Variants in KIF16B observed in about 807,000 individuals in gnomAD.
KIF16B encodes kinesin-like protein KIF16B.
In KIF16B, 98 loss-of-function variants were observed where a neutral mutation model predicts 156.3. The observed-to-expected ratio is 0.63, with a 90% CI of 0.53 to 0.74. The LOEUF is 0.74. Among genes scored for constraint, KIF16B ranks in the 30% least tolerant of loss-of-function variants. KIF16B has a pLI of 0.00. For synonymous variants in KIF16B, 564 were observed against 583.7 expected, an observed-to-expected ratio of 0.97 and a Z score of 0.49; for missense variants, 1,421 against 1,606.5, an observed-to-expected ratio of 0.88 and a Z score of 1.97.
rs2071529128 is a variant in KIF16B, at chr20:16,573,359, C to A, written c.-84G>T. On this transcript the variant is annotated 5_prime_UTR_variant, in exon 1 of 26. Coordinates refer to ENST00000354981, the MANE Select transcript of KIF16B (RefSeq NM_024704.5). Reference sequence around the variant, plus strand: ...GCGACGCTGGCTACTCAGATCGCGGCTCCCGCCCACTTCCCTCTCGCCCCC... The same window carrying A: ...GCGACGCTGGCTACTCAGATCGCGGATCCCGCCCACTTCCCTCTCGCCCCC... 2.8e-6 allele frequency: 4 copies of A among 1,433,820 alleles called. No homozygotes were observed. The highest frequency in any genetic ancestry group is 3.9e-6 in the Non-Finnish European group (4 of 1,038,930). The allele number at this position is 1,433,820 out of a possible 1,614,324, so 88.8% of individuals were successfully genotyped here.
chr20:16,312,771 C>CA (rs1435839574), intron 24 of KIF16B, among the ~76,000 whole-genome samples: 1 of 116,482 alleles, frequency 8.6e-6, no homozygotes, highest in African/African-American at 3.8e-5. Context: ...TCAGTCCTCC[C>CA]ACCCTTTTTT....
chr20:16,560,909 G>T (rs1428134092), intron 1 of KIF16B, among the ~76,000 whole-genome samples: 1 of 152,130 alleles, frequency 6.6e-6, no homozygotes, highest in Non-Finnish European at 1.5e-5. Context: ...TTCTTCTCTG[G>T]ATAATAAATT....
At chr20:16,366,915 A>G (rs2064679164) in intron 22 of KIF16B, 3 of 1,226,168 alleles carry the variant, frequency 2.4e-6, no homozygotes, top group Admixed American at 3.9e-5. Context: ...AGTTTCAAGA[A>G]AATGAAGCAA....
At chr20:16,323,773 C>T (rs1568849908) in intron 24 of KIF16B, among the ~76,000 whole-genome samples, 1 of 151,848 alleles carries the variant, frequency 6.6e-6, no homozygotes. Flanking sequence ...CAATATGAAG[C>T]AGCCAGTGAT....
At chr20:16,295,093 G>A (rs1488353971) in intron 25 of KIF16B, among the ~76,000 whole-genome samples, 1 of 152,186 alleles carries the variant, frequency 6.6e-6, no homozygotes, top group Non-Finnish European at 1.5e-5. Context: ...AAGAACCCAG[G>A]TAAACATGAC....
At chr20:16,289,105 T>C (rs2063275355) in intron 25 of KIF16B, among the ~76,000 whole-genome samples, 2 of 152,174 alleles carry the variant, frequency 1.3e-5, no homozygotes. Context: ...ACACTTACAT[T>C]AGCCTACAGG....
intron 15 of KIF16B, among the ~76,000 whole-genome samples, chr20:16,414,572 G>T (rs2066039823): frequency 6.6e-6 from 1 of 152,110 alleles, no homozygotes; most frequent in African/African-American, 2.4e-5. Flanking sequence ...CTCTGTAGAA[G>T]AAAGAAAATT....
At chr20:16,528,295 TTTACTCA>T (rs1381296840) in intron 2 of KIF16B, 69 bp downstream of exon 2, 3 of 1,108,634 alleles carry the variant, frequency 2.7e-6, no homozygotes, top group Non-Finnish European at 4.1e-6. Context: ...ACAGGCTTTA[TTTACTCA>T]TTAGTCATCC....
intron 15 of KIF16B, among the ~76,000 whole-genome samples, 196 bp from the exon 16 acceptor site, chr20:16,406,652 T>C (rs1164316090): frequency 6.6e-6 from 1 of 152,136 alleles, no homozygotes. Flanking sequence ...CAGCTGAGTG[T>C]CACAACACAC....
At chr20:16,441,287 G>A (rs73898753) in intron 12 of KIF16B, among the ~76,000 whole-genome samples, 78 of 152,212 alleles carry the variant, frequency 5.1e-4, no homozygotes, top group African/African-American at 1.8e-3. Context: ...ACGGAAATAC[G>A]TCATGCTCAT....
intron 25 of KIF16B, among the ~76,000 whole-genome samples, chr20:16,303,476 T>A (rs945461463): frequency 3.0e-4 from 46 of 152,262 alleles, no homozygotes; most frequent in African/African-American, 1.1e-3. Flanking sequence ...AGGGGTTAAA[T>A]AACTTGCCCA....
chr20:16,372,515 G>A (rs1270827609), intron 20 of KIF16B, among the ~76,000 whole-genome samples: 1 of 152,208 alleles, frequency 6.6e-6, no homozygotes, highest in Non-Finnish European at 1.5e-5. Context: ...GACCACCTCA[G>A]TGGATTTTGG....
intron 2 of KIF16B, among the ~76,000 whole-genome samples, chr20:16,528,117 C>T (rs1261390443): frequency 6.6e-6 from 1 of 152,152 alleles, no homozygotes; most frequent in African/African-American, 2.4e-5. Flanking sequence ...CTGGGATAGA[C>T]TCAGGAGCTC....
At chr20:16,300,940 A>G (rs2063462970) in intron 25 of KIF16B, among the ~76,000 whole-genome samples, 1 of 152,186 alleles carries the variant, frequency 6.6e-6, no homozygotes, top group African/African-American at 2.4e-5. Context: ...ATTATATATC[A>G]TACAGAGTAG....
intron 1 of KIF16B, among the ~76,000 whole-genome samples, chr20:16,570,314 T>C (rs899023543): frequency 2.6e-5 from 4 of 152,164 alleles, no homozygotes; most frequent in Non-Finnish European, 4.4e-5. Context: ...AAAAAGTTTA[T>C]AGATTTCCAA....
rs1304454369 is a variant in KIF16B, at chr20:16,396,414, A to C, written c.1784+8399T>G. ...TGGAATATCATATGGACATTAAAAT[A>C]ATGTAAAAAAATTTATGAAAGAAAA... On this transcript the variant is annotated intron_variant, in intron 17 of 25. Coordinates refer to ENST00000354981, the MANE Select transcript of KIF16B (RefSeq NM_024704.5). Among the ~76,000 whole-genome samples, 9 of 152,350 alleles carry C rather than the reference A, an allele frequency of 5.9e-5. 1 individual carries two copies. In the East Asian group the frequency reaches 1.7e-3, roughly 29 times the overall value.
chr20:16,547,770 C>T (rs546526170), intron 1 of KIF16B, among the ~76,000 whole-genome samples: 2 of 152,328 alleles, frequency 1.3e-5, no homozygotes, highest in Admixed American at 6.5e-5. Context: ...ATCCAGGAAA[C>T]ATCAGGGCAT....
intron 11 of KIF16B, among the ~76,000 whole-genome samples, chr20:16,495,750 C>T (rs768284121): frequency 3.3e-5 from 5 of 152,008 alleles, no homozygotes; most frequent in African/African-American, 4.8e-5. Flanking sequence ...AGTGCGGTGG[C>T]GTAATCACGG....
At chr20:16,462,194 T>C (rs1421453653) in intron 12 of KIF16B, among the ~76,000 whole-genome samples, 1 of 152,080 alleles carries the variant, frequency 6.6e-6, no homozygotes, top group Non-Finnish European at 1.5e-5. Context: ...TGAGCCAAGA[T>C]TGTGCCATTG....
Sources: allele counts gnomAD v4.1 joint callset (sites outside exome capture counted in the v4.1 genomes callset), GRCh38; gene constraint gnomAD v4.1.1; transcripts MANE v1.5; gene names NCBI Gene and HGNC (gene_info 2026-07-23, HGNC 2026-07-21).